Variants in NEGR1 observed in about 807,000 individuals in gnomAD.
NEGR1 encodes IgLON family member 4.
A neutral mutation model predicts 40.9 loss-of-function variants in NEGR1; 10 were observed. The observed-to-expected ratio is 0.24, with a 90% CI of 0.15 to 0.42. The LOEUF (loss-of-function observed/expected upper bound fraction) is 0.42, where lower values mean the gene tolerates loss of function less well. NEGR1 is among the 10% of genes least tolerant of loss of function. The pLI, the probability that NEGR1 is intolerant of heterozygous loss-of-function variation, is 1.00. For missense variants in NEGR1, 352 were observed against 438.9 expected, an observed-to-expected ratio of 0.80 and a Z score of 1.77; for synonymous variants, 185 against 166.8, an observed-to-expected ratio of 1.11 and a Z score of -0.84.
intron 5 of NEGR1, among the ~76,000 whole-genome samples, chr1:71,609,554 A>AAAAAAAAAAAAAAAAAC (rs1650183095): frequency 7.0e-6 from 1 of 142,276 alleles, no homozygotes; most frequent in Non-Finnish European, 1.5e-5. Context: ...AAAAAAAAAA[A>AAAAAAAAAAAAAAAAAC]AAGAAATGAG....
chr1:71,762,458 T>C (rs74954015), intron 3 of NEGR1, among the ~76,000 whole-genome samples: 2,637 of 152,130 alleles, frequency 0.017, 64 homozygotes, highest in African/African-American at 0.06. Context: ...ACAATATCTT[T>C]AGCCTGAAAA....
intron 1 of NEGR1, among the ~76,000 whole-genome samples, chr1:72,266,787 C>A (rs1041524740): frequency 2.1e-5 from 3 of 142,130 alleles, no homozygotes; most frequent in Non-Finnish European, 4.7e-5. Context: ...GAGAAAAAAA[C>A]ACCATTGAGC....
chr1:71,535,467 TA>T (rs1291057454), intron 6 of NEGR1, among the ~76,000 whole-genome samples: 1 of 151,754 alleles, frequency 6.6e-6, no homozygotes, highest in Non-Finnish European at 1.5e-5. Context: ...TTTAAAAGAA[TA>T]CAGGAATTTA....
intron 6 of NEGR1, among the ~76,000 whole-genome samples, chr1:71,497,499 G>C (rs1646972095): frequency 6.6e-6 from 1 of 151,678 alleles, no homozygotes; most frequent in Admixed American, 6.6e-5. Flanking sequence ...CAGGGTTATT[G>C]ATCTTTTTTA....
chr1:71,505,482 C>T (rs565631981), intron 6 of NEGR1, among the ~76,000 whole-genome samples: 5 of 152,136 alleles, frequency 3.3e-5, no homozygotes, highest in Admixed American at 1.3e-4. Flanking sequence ...GGGGTTTCAC[C>T]GTGTTAGCCA....
At chr1:72,182,021 T>C (rs1465265229) in intron 1 of NEGR1, among the ~76,000 whole-genome samples, 2 of 152,218 alleles carry the variant, frequency 1.3e-5, no homozygotes, top group East Asian at 1.9e-4. Flanking sequence ...GTATGTGGAA[T>C]TCATACTAAT....
At chr1:71,927,188 T>C (rs1022348832) in intron 2 of NEGR1, among the ~76,000 whole-genome samples, 30 of 152,272 alleles carry the variant, frequency 2.0e-4, no homozygotes, top group African/African-American at 7.0e-4. Context: ...TATCCTGCCA[T>C]GTAACCATAG....
At chr1:71,423,105 G>C (rs1646408015) in intron 6 of NEGR1, 2 of 152,030 alleles carry the variant, frequency 1.3e-5, no homozygotes, top group African/African-American at 2.4e-5. Context: ...AGCAATTTTT[G>C]GCTGGGCCAG....
chr1:71,937,904 G>C (rs1425439679), intron 1 of NEGR1, among the ~76,000 whole-genome samples: 1 of 152,010 alleles, frequency 6.6e-6, no homozygotes, highest in Non-Finnish European at 1.5e-5. Context: ...GGGGGTATTA[G>C]GGAAGACTGC....
At chr1:71,586,348 C>T (rs752085900) in intron 6 of NEGR1, among the ~76,000 whole-genome samples, 5 of 152,080 alleles carry the variant, frequency 3.3e-5, no homozygotes, top group Admixed American at 1.3e-4. Flanking sequence ...GCTTCAAGGC[C>T]GCTATGTAAT....
At chr1:71,929,109 T>C (rs1018764259) in intron 2 of NEGR1, among the ~76,000 whole-genome samples, 30 of 152,116 alleles carry the variant, frequency 2.0e-4, no homozygotes, top group African/African-American at 7.0e-4. Context: ...ATTTATCATA[T>C]ATGTTCTTAG....
intron 2 of NEGR1, among the ~76,000 whole-genome samples, chr1:71,855,791 T>C (rs1201545660): frequency 6.6e-6 from 1 of 152,024 alleles, no homozygotes; most frequent in Non-Finnish European, 1.5e-5. Context: ...TGGGTGGCAA[T>C]AAGGTAAAAT....
At chr1:71,641,794 C>T (rs915021) in intron 4 of NEGR1, among the ~76,000 whole-genome samples, 57,555 of 151,766 alleles carry the variant, frequency 0.38, 11,531 homozygotes, top group East Asian at 0.64. Context: ...CAGCAGCACA[C>T]GGCCCCTGTC....
At chr1:71,564,833 G>A (rs1648566699) in intron 6 of NEGR1, among the ~76,000 whole-genome samples, 1 of 152,070 alleles carries the variant, frequency 6.6e-6, no homozygotes, top group African/African-American at 2.4e-5. Context: ...AAGATTTAGA[G>A]ATAATCTCTT....
At chr1:71,925,105 C>T (rs1302630071) in intron 2 of NEGR1, among the ~76,000 whole-genome samples, 1 of 152,082 alleles carries the variant, frequency 6.6e-6, no homozygotes, top group Non-Finnish European at 1.5e-5. Context: ...AAAATAAGAC[C>T]TAGTCATCAC....
chr1:71,791,157 C>A (rs1322637195), intron 2 of NEGR1, among the ~76,000 whole-genome samples: 1 of 152,028 alleles, frequency 6.6e-6, no homozygotes, highest in Non-Finnish European at 1.5e-5. Context: ...ATGTCAATAT[C>A]AGGTGCACTT....
At chr1:71,608,410 A>G (rs1650136779) in intron 5 of NEGR1, among the ~76,000 whole-genome samples, 1 of 152,052 alleles carries the variant, frequency 6.6e-6, no homozygotes, top group Non-Finnish European at 1.5e-5. Flanking sequence ...GAAAAAAAAA[A>G]TCACTGAAGC....
At chr1:71,760,924 G>A (rs1655919248) in intron 3 of NEGR1, among the ~76,000 whole-genome samples, 1 of 152,034 alleles carries the variant, frequency 6.6e-6, no homozygotes, top group Non-Finnish European at 1.5e-5. Flanking sequence ...AACACTTTCT[G>A]GTTTATAACT....
At position 71,597,432 on chromosome 1, in the gene NEGR1, G is replaced by A. The variant is rs71500653; in HGVS notation, c.789-4464C>T. Among the ~76,000 whole-genome samples the A allele has an allele frequency of 2.0e-3, 121 of 60,708 alleles. 1 individual carries two copies. Among genetic ancestry groups the A allele is most frequent in the African/African-American group, 6.7e-3 (102 of 15,214 alleles). The allele number at this position is 60,708 out of a possible 152,430, so 39.8% of individuals were successfully genotyped here. A position where few individuals can be genotyped will look rare whatever the true frequency, so the allele number is the denominator to read the frequency against. The stretch of plus-strand genomic sequence containing the variant: ...TTTATTTATATATATATATATATAT[G>A]TCTCTCTCTCTCTCTCTCTCTCTCT... On this transcript the variant is annotated intron_variant, in intron 5 of 6. Coordinates refer to ENST00000357731, the MANE Select transcript of NEGR1 (RefSeq NM_173808.3).
Sources: allele counts gnomAD v4.1 joint callset (sites outside exome capture counted in the v4.1 genomes callset), GRCh38; gene constraint gnomAD v4.1.1; transcripts MANE v1.5; gene names NCBI Gene and HGNC (gene_info 2026-07-23, HGNC 2026-07-21).